The following SLC14A2 variants were observed in gnomAD, a reference collection of about 807,000 sequenced individuals.
SLC14A2 encodes solute carrier family 14 member 2.
In SLC14A2, 91 loss-of-function variants were observed where a neutral mutation model predicts 104.6. The ratio of observed to expected loss-of-function variants is 0.87; its 90% CI spans 0.73 to 1.04. SLC14A2 has a LOEUF of 1.04. SLC14A2 is among the 50% of genes least tolerant of loss of function. The pLI, the probability that SLC14A2 is intolerant of heterozygous loss-of-function variation, is 0.00. For missense variants in SLC14A2, 1,189 were observed against 1,156.0 expected (o/e 1.03, Z -0.41); for synonymous variants, 476 against 466.4 (o/e 1.02, Z -0.27).
At chr18:45,438,742 ATATC>A (rs2086636336) in intron 1 of SLC14A2, among the ~76,000 whole-genome samples, 25 of 152,236 alleles carry the variant, frequency 1.6e-4, no homozygotes, top group Admixed American at 1.6e-3. Context: ...AGCCTTATCT[ATATC>A]TATGATAGGA....
the SLC14A2 span, among the ~76,000 whole-genome samples, chr18:45,189,484 G>A: frequency 6.6e-6 from 1 of 152,292 alleles, no homozygotes; most frequent in South Asian, 2.1e-4. Flanking sequence ...ATAGCCTATG[G>A]AGAAACTGTC....
intron 2 of SLC14A2, among the ~76,000 whole-genome samples, chr18:45,573,804 C>T (rs1472379307): frequency 6.6e-6 from 1 of 152,124 alleles, no homozygotes; most frequent in Admixed American, 6.5e-5. Context: ...AAACATGGCC[C>T]AGCACAGAGT....
intron 1 of SLC14A2, among the ~76,000 whole-genome samples, chr18:45,285,678 G>A (rs928990978): frequency 8.7e-6 from 1 of 115,062 alleles, no homozygotes; most frequent in African/African-American, 2.9e-5. Flanking sequence ...CCCCCCCTCG[G>A]CCTCCCAAAG....
At chr18:45,294,639 T>C (rs1460104254) in intron 1 of SLC14A2, among the ~76,000 whole-genome samples, 2 of 152,250 alleles carry the variant, frequency 1.3e-5, no homozygotes, top group Non-Finnish European at 2.9e-5. Flanking sequence ...GTTTTGCAAA[T>C]GTTAATAGGT....
chr18:45,666,785 G>C, intron 12 of SLC14A2, 150 bp from the exon 13 acceptor site: 1 of 639,118 alleles, frequency 1.6e-6, no homozygotes, highest in Non-Finnish European at 2.7e-6. Flanking sequence ...ACAAAAGACA[G>C]TCTAATCTAC....
intron 10 of SLC14A2, among the ~76,000 whole-genome samples, chr18:45,655,836 A>G (rs1000335025): frequency 6.6e-6 from 1 of 152,144 alleles, no homozygotes; most frequent in Non-Finnish European, 1.5e-5. Flanking sequence ...TAATTTTTTT[A>G]ATTTAAAAAG....
chr18:45,332,492 C>A (rs2085300464), intron 1 of SLC14A2, among the ~76,000 whole-genome samples: 5 of 152,044 alleles, frequency 3.3e-5, no homozygotes, highest in Admixed American at 2.6e-4. Flanking sequence ...GGAGGTCTTG[C>A]CCAATCTCCC....
At chr18:45,347,169 A>G (rs1222572237) in intron 1 of SLC14A2, among the ~76,000 whole-genome samples, 5 of 152,000 alleles carry the variant, frequency 3.3e-5, no homozygotes, top group Non-Finnish European at 2.9e-5. Flanking sequence ...CAACCTGGGC[A>G]ACATGGCAAA....
chr18:45,291,032 G>T (rs1351830276), intron 1 of SLC14A2, among the ~76,000 whole-genome samples: 1 of 152,136 alleles, frequency 6.6e-6, no homozygotes, highest in African/African-American at 2.4e-5. Context: ...AGAGAATTTT[G>T]AATGTTAGAA....
rs1599178521 is a variant in SLC14A2 at position 45,682,378 on chromosome 18, G to T, written c.2622G>T (p.Leu874=). Residue 874 remains leucine (L), a synonymous_variant, in exon 20 of 20, where the codon CTG becomes CTT. Coordinates refer to ENST00000255226, the MANE Select transcript of SLC14A2 (RefSeq NM_007163.4). ...FCLSALTFLL[L]TTNNPAIYKL... ...TCTCAGCTCTCACCTTCCTGCTCCT[G>T]ACGACCAATAACCCCGCCATCTACA... 6.2e-7 allele frequency: 1 copy of T among 1,614,096 alleles called. No individual in the cohort carries two copies. Among genetic ancestry groups the T allele is most frequent in the Non-Finnish European group, 8.5e-7 (1 of 1,180,022 alleles).
At chr18:45,660,080 CTA>C (rs909290867) in intron 10 of SLC14A2, among the ~76,000 whole-genome samples, 1 of 152,070 alleles carries the variant, frequency 6.6e-6, no homozygotes, top group African/African-American at 2.4e-5. Context: ...CTGCAGTGAG[CTA>C]TGATTGTACC....
At chr18:45,543,830 A>G (rs1219306089) in intron 2 of SLC14A2, among the ~76,000 whole-genome samples, 2 of 152,234 alleles carry the variant, frequency 1.3e-5, no homozygotes, top group Admixed American at 6.5e-5. Context: ...TGCCTAACTG[A>G]TAAGAGTGGC....
At chr18:45,600,892 A>G (rs1331238174) in intron 2 of SLC14A2, among the ~76,000 whole-genome samples, 2 of 152,224 alleles carry the variant, frequency 1.3e-5, no homozygotes. Context: ...GGCCATATGC[A>G]AATTGCACTT....
Position 45,682,872 on chromosome 18 carries a change from A to T in SLC14A2, c.*353A>T, listed in dbSNP as rs1358360286. On this transcript the variant is annotated 3_prime_UTR_variant, in exon 20 of 20. Transcript: ENST00000255226. ...CACTTTGGGAGGCCGAGGCGGGTGG[A>T]TCACGAGGTCAGGAGATCGAGACCA... 8.0e-6 allele frequency: 2 copies of T among 249,458 alleles called. No homozygotes were observed. Among genetic ancestry groups the T allele is most frequent in the African/African-American group, 2.2e-5 (1 of 45,404 alleles). The allele number at this position is 249,458 out of a possible 1,614,324, so 15.5% of individuals were successfully genotyped here.
chr18:45,671,954 A>G (rs915601294), intron 16 of SLC14A2, among the ~76,000 whole-genome samples: 6 of 152,130 alleles, frequency 3.9e-5, no homozygotes, highest in African/African-American at 1.4e-4. Flanking sequence ...AGGTGCCCAC[A>G]AGGCACCAGA....
At chr18:45,309,735 AG>A (rs2085059232) in intron 1 of SLC14A2, among the ~76,000 whole-genome samples, 1 of 152,200 alleles carries the variant, frequency 6.6e-6, no homozygotes, top group South Asian at 2.1e-4. Context: ...ACATTACAAG[AG>A]TTTGATTAAT....
rs557168433 is a variant in SLC14A2, at chr18:45,247,360, A to C, written c.-125+34169A>C. On this transcript the variant is annotated intron_variant, in intron 1 of 20. Transcript: ENST00000586448. ...TGCGAGAATTGAGCAAGTAATGTTG[A>C]AGAAATGCTGATAAGGAGAGTAATG... 3.3e-5 allele frequency among the ~76,000 whole-genome samples: 5 copies of C among 152,368 alleles called. No homozygotes were observed. In the South Asian group the frequency reaches 1.0e-3, roughly 32 times the overall value.
At chr18:45,539,910 T>TA (rs2043859341) in intron 2 of SLC14A2, among the ~76,000 whole-genome samples, 9 of 131,700 alleles carry the variant, frequency 6.8e-5, no homozygotes, top group African/African-American at 1.6e-4. Flanking sequence ...AAAAAAAAAT[T>TA]TAAAAAAAAC....
At chr18:45,629,119 T>C (rs751493999) in intron 4 of SLC14A2, among the ~76,000 whole-genome samples, 10 of 152,202 alleles carry the variant, frequency 6.6e-5, no homozygotes, top group Admixed American at 3.3e-4. Flanking sequence ...CAGAGGCCCA[T>C]TGGTGAACCC....
Sources: allele counts gnomAD v4.1 joint callset (sites outside exome capture counted in the v4.1 genomes callset), GRCh38; gene constraint gnomAD v4.1.1; transcripts MANE v1.5; gene names NCBI Gene and HGNC (gene_info 2026-07-23, HGNC 2026-07-21).